Variants in TNFSF11 observed in about 807,000 individuals in gnomAD.
TNFSF11 encodes tumor necrosis factor ligand superfamily member 11.
In TNFSF11, 12 loss-of-function variants were observed where a neutral mutation model predicts 32.2. That is an observed-to-expected ratio of 0.37 (90% CI 0.24 to 0.60). TNFSF11 has a LOEUF of 0.60. Among genes scored for constraint, TNFSF11 ranks in the 20% least tolerant of loss-of-function variants. The pLI is 0.66. For synonymous variants in TNFSF11, 172 were observed against 152.1 expected (o/e 1.13, Z -0.96); for missense variants, 345 against 398.0 (o/e 0.87, Z 1.13).
chr13:42,592,218 A>G (rs956986627), intron 2 of TNFSF11, among the ~76,000 whole-genome samples: 6 of 152,324 alleles, frequency 3.9e-5, no homozygotes, highest in African/African-American at 1.4e-4. Flanking sequence ...CCAACAGGTT[A>G]AAGGCTCAGC....
intron 2 of TNFSF11, among the ~76,000 whole-genome samples, chr13:42,583,782 C>T (rs547027916): frequency 2.6e-5 from 4 of 151,936 alleles, no homozygotes; most frequent in African/African-American, 9.7e-5. Context: ...GCCCACTGTC[C>T]CTACGTTATT....
At chr13:42,597,836 T>A (rs1468327773) in intron 2 of TNFSF11, among the ~76,000 whole-genome samples, 1 of 152,092 alleles carries the variant, frequency 6.6e-6, no homozygotes, top group Non-Finnish European at 1.5e-5. Flanking sequence ...CTTTTCTTGT[T>A]TTTCTTTTTC....
In TNFSF11 at chr13:42,599,382, A is replaced by ATCTATCTG. The variant is rs1169547336; in HGVS notation, c.388-1367_388-1366insATCTGTCT. Among the ~76,000 whole-genome samples, 789 of 150,706 alleles carry ATCTATCTG rather than the reference A, an allele frequency of 5.2e-3. 12 individuals carry two copies. The highest frequency in any genetic ancestry group is 0.018 in the African/African-American group (750 of 40,610). On this transcript the variant is annotated intron_variant, in intron 2 of 4. Coordinates refer to ENST00000398795, the MANE Select transcript of TNFSF11 (RefSeq NM_003701.4). ...TATCTATCTATCTATCTATCTATCT[A>ATCTATCTG]TCTGTCTATCTCAAAGCCCTCCTCT...
At chr13:42,563,679 A>G (rs1455021903) in intron 1 of TNFSF11, among the ~76,000 whole-genome samples, 2 of 144,488 alleles carry the variant, frequency 1.4e-5, no homozygotes, top group Non-Finnish European at 3.0e-5. Flanking sequence ...AAAAAAAAAA[A>G]GGAAGAAAGA....
intron 1 of TNFSF11, among the ~76,000 whole-genome samples, chr13:42,563,753 A>G (rs1363878441): frequency 6.6e-6 from 1 of 151,636 alleles, no homozygotes; most frequent in Non-Finnish European, 1.5e-5. Flanking sequence ...TGTTGGTTTT[A>G]AGGTTTTTTT....
At position 42,581,246 on chromosome 13, in the gene TNFSF11, G is replaced by C. The variant is rs1873599049; in HGVS notation, c.340G>C (p.Asp114His). The stretch of plus-strand genomic sequence containing the variant: ...GAGTCAAGATACAAAATTAATACCT[G>C]ATTCATGTAGGAGAATTAAACAGGC... ...LESQDTKLIP[D>H]SCRRIKQAFQ... Residue 114 changes from aspartate to histidine, a missense_variant, in exon 2 of 5, where the codon GAT becomes CAT. Transcript: ENST00000398795. 1 of 1,614,084 alleles carries C rather than the reference G, an allele frequency of 6.2e-7. No individual in the cohort carries two copies. Among genetic ancestry groups the C allele is most frequent in the Non-Finnish European group, 8.5e-7 (1 of 1,179,976 alleles).
intron 2 of TNFSF11, among the ~76,000 whole-genome samples, chr13:42,591,977 G>A (rs1388179917): frequency 1.3e-5 from 2 of 152,196 alleles, no homozygotes; most frequent in African/African-American, 4.8e-5. Context: ...GCATCCCAGA[G>A]CCTCCTTCCA....
chr13:42,583,901 T>C (rs995544893), intron 2 of TNFSF11, among the ~76,000 whole-genome samples: 1 of 152,036 alleles, frequency 6.6e-6, no homozygotes, highest in Non-Finnish European at 1.5e-5. Context: ...ATTATATACT[T>C]AGGAAAATTC....
intron 2 of TNFSF11, among the ~76,000 whole-genome samples, chr13:42,587,194 A>G (rs1873939866): frequency 1.3e-5 from 2 of 152,190 alleles, no homozygotes; most frequent in African/African-American, 2.4e-5. Context: ...GGGAAGGGTA[A>G]AAGAAAACTG....
intron 2 of TNFSF11, among the ~76,000 whole-genome samples, chr13:42,589,094 G>A (rs990251519): frequency 2.0e-5 from 3 of 152,058 alleles, no homozygotes; most frequent in Non-Finnish European, 4.4e-5. Flanking sequence ...TAAACCCTAA[G>A]GCTCATATTC....
chr13:42,590,055 C>T (rs952901407), intron 2 of TNFSF11, among the ~76,000 whole-genome samples: 1 of 152,266 alleles, frequency 6.6e-6, no homozygotes, highest in Non-Finnish European at 1.5e-5. Context: ...AGTAACCACA[C>T]GGACCTGGGG....
At chr13:42,605,285 CCA>C (rs1259295245) in intron 4 of TNFSF11, among the ~76,000 whole-genome samples, 1 of 152,184 alleles carries the variant, frequency 6.6e-6, no homozygotes, top group East Asian at 1.9e-4. Flanking sequence ...TCTCTCAACT[CCA>C]GTCTGAGACT....
At chr13:42,591,412 G>A (rs1405643010) in intron 2 of TNFSF11, among the ~76,000 whole-genome samples, 2 of 151,976 alleles carry the variant, frequency 1.3e-5, no homozygotes, top group Admixed American at 6.5e-5. Context: ...TCTGGGGAGG[G>A]TGAGGACCTG....
At chr13:42,579,119 GC>G (rs1182924552) in intron 1 of TNFSF11, among the ~76,000 whole-genome samples, 1 of 152,162 alleles carries the variant, frequency 6.6e-6, no homozygotes, top group African/African-American at 2.4e-5. Context: ...GGGTTCGGGT[GC>G]AGTGGCTCAT....
At chr13:42,576,454 T>C (rs1182823937) in intron 1 of TNFSF11, among the ~76,000 whole-genome samples, 1 of 152,188 alleles carries the variant, frequency 6.6e-6, no homozygotes, top group Non-Finnish European at 1.5e-5. Flanking sequence ...TCAGAACCCC[T>C]TTTCAAAGTA....
chr13:42,602,180 A>G (rs183271376), intron 4 of TNFSF11, among the ~76,000 whole-genome samples: 21 of 152,142 alleles, frequency 1.4e-4, no homozygotes, highest in Non-Finnish European at 2.4e-4. Flanking sequence ...ACCTTGTACA[A>G]TTTATTGCAA....
At chr13:42,583,999 A>G (rs1873762632) in intron 2 of TNFSF11, among the ~76,000 whole-genome samples, 1 of 152,210 alleles carries the variant, frequency 6.6e-6, no homozygotes. Flanking sequence ...CTTATTTCAA[A>G]TAACTAGAAA....
chr13:42,606,301 C>G (rs886122909), intron 4 of TNFSF11, among the ~76,000 whole-genome samples, 196 bp from the exon 5 acceptor site: 1 of 152,218 alleles, frequency 6.6e-6, no homozygotes, highest in African/African-American at 2.4e-5. Context: ...TCTTCGTAGC[C>G]TCTACTGTGC....
chr13:42,599,349 C>CTATCTATCTATCTATCT (rs11385072), intron 2 of TNFSF11, among the ~76,000 whole-genome samples: 2 of 112,186 alleles, frequency 1.8e-5, no homozygotes, highest in African/African-American at 3.5e-5. Flanking sequence ...ATCTATCTAT[C>CTATCTATCTATCTATCT]ATCTATCTAT....
Sources: gnomAD v4.1 joint callset for allele counts (sites outside exome capture counted in the v4.1 genomes callset) on GRCh38, gnomAD v4.1.1 for gene constraint, MANE v1.5 for transcripts, NCBI Gene and HGNC (gene_info 2026-07-23, HGNC 2026-07-21) for gene names.